Variants in RBFOX1 observed in about 807,000 individuals in gnomAD.
RBFOX1 encodes RNA binding fox-1 homolog 1, also known as RNA binding protein fox-1 homolog 1.
RBFOX1 carries 8 observed loss-of-function variants against 57.7 expected under a neutral mutation model. The ratio of observed to expected loss-of-function variants is 0.14; its 90% CI spans 0.08 to 0.25. The LOEUF (loss-of-function observed/expected upper bound fraction) is 0.25, where lower values mean the gene tolerates loss of function less well. Ranked by LOEUF, RBFOX1 falls within the 10% of genes least tolerant of loss-of-function variation. RBFOX1 has a pLI of 1.00. For synonymous variants in RBFOX1, 326 were observed against 222.4 expected (o/e 1.47, Z -4.15); for missense variants, 611 against 548.5 (o/e 1.11, Z -1.14).
intron 2 of RBFOX1, among the ~76,000 whole-genome samples, chr16:6,459,117 C>T (rs189133238): frequency 8.5e-5 from 13 of 152,228 alleles, no homozygotes; most frequent in Admixed American, 3.9e-4. Context: ...GGGTGGATCC[C>T]GAGGTCAGCA....
intron 1 of RBFOX1, among the ~76,000 whole-genome samples, chr16:5,455,007 C>T (rs894485344): frequency 9.1e-6 from 1 of 109,328 alleles, no homozygotes; most frequent in African/African-American, 3.2e-5. Flanking sequence ...TTCTTTCTTT[C>T]TTTCTTTCTT....
intron 4 of RBFOX1, among the ~76,000 whole-genome samples, chr16:7,328,305 C>A (rs574349239): frequency 2.1e-4 from 32 of 151,922 alleles, no homozygotes; most frequent in African/African-American, 7.5e-4. Flanking sequence ...CGTGGTGAAA[C>A]CCTGTCTCTA....
At chr16:7,422,538 C>T (rs921235972) in intron 4 of RBFOX1, among the ~76,000 whole-genome samples, 1 of 152,090 alleles carries the variant, frequency 6.6e-6, no homozygotes, top group African/African-American at 2.4e-5. Flanking sequence ...ACTGGGGGAT[C>T]AAATGAGAAG....
At chr16:7,261,818 C>G (rs933634919) in intron 4 of RBFOX1, among the ~76,000 whole-genome samples, 4 of 152,178 alleles carry the variant, frequency 2.6e-5, no homozygotes, top group Non-Finnish European at 5.9e-5. Context: ...GAAAGCATTA[C>G]TGATATCCAG....
chr16:6,418,912 A>G (rs2093699729), intron 2 of RBFOX1, among the ~76,000 whole-genome samples: 1 of 152,148 alleles, frequency 6.6e-6, no homozygotes, highest in Non-Finnish European at 1.5e-5. Flanking sequence ...CCTATGTGGA[A>G]GAACCGTTGT....
chr16:6,882,247 G>C (rs545778605), intron 3 of RBFOX1, among the ~76,000 whole-genome samples: 2 of 152,282 alleles, frequency 1.3e-5, no homozygotes, highest in East Asian at 1.9e-4. Context: ...GAGAGATGGA[G>C]AGGGAGAAGG....
At chr16:7,589,021 C>T (rs1182857284) in intron 7 of RBFOX1, among the ~76,000 whole-genome samples, 1 of 152,182 alleles carries the variant, frequency 6.6e-6, no homozygotes, top group African/African-American at 2.4e-5. Context: ...CAATCGTTCT[C>T]GAACTTAAGT....
chr16:5,574,451 TG>T (rs1209385282), intron 2 of RBFOX1, among the ~76,000 whole-genome samples: 1 of 151,322 alleles, frequency 6.6e-6, no homozygotes, highest in African/African-American at 2.4e-5. Context: ...ACGGTGTCTC[TG>T]TCGCCGAGGC....
intron 1 of RBFOX1, among the ~76,000 whole-genome samples, chr16:6,049,507 A>G (rs1005571340): frequency 6.6e-6 from 1 of 152,142 alleles, no homozygotes; most frequent in African/African-American, 2.4e-5. Flanking sequence ...TTAAGCAAAT[A>G]CCAGATATCA....
chr16:7,172,162 T>C (rs1018358894), intron 4 of RBFOX1, among the ~76,000 whole-genome samples: 2 of 152,208 alleles, frequency 1.3e-5, no homozygotes, highest in African/African-American at 4.8e-5. Context: ...GAATTCTGCA[T>C]CCTGGAATTA....
intron 3 of RBFOX1, among the ~76,000 whole-genome samples, chr16:5,863,350 G>A (rs1317498405): frequency 6.6e-6 from 1 of 152,192 alleles, no homozygotes; most frequent in Admixed American, 6.5e-5. Context: ...AGAATGGCCC[G>A]CCTCAAACAC....
At chr16:6,145,982 G>A (rs971020281) in intron 1 of RBFOX1, among the ~76,000 whole-genome samples, 3 of 152,138 alleles carry the variant, frequency 2.0e-5, no homozygotes, top group African/African-American at 7.2e-5. Flanking sequence ...TGTGACCAAA[G>A]GCATTTATTT....
At chr16:6,605,737 G>A (rs560502565) in intron 2 of RBFOX1, among the ~76,000 whole-genome samples, 3 of 152,184 alleles carry the variant, frequency 2.0e-5, no homozygotes, top group African/African-American at 7.2e-5. Flanking sequence ...GATTCAGTCC[G>A]TGTGTTCGTG....
At chr16:6,510,982 A>G (rs1382403887) in intron 2 of RBFOX1, among the ~76,000 whole-genome samples, 1 of 152,208 alleles carries the variant, frequency 6.6e-6, no homozygotes, top group Non-Finnish European at 1.5e-5. Flanking sequence ...CTCCCACGGC[A>G]GCATCCAATG....
intron 3 of RBFOX1, among the ~76,000 whole-genome samples, chr16:6,827,396 G>C (rs576048680): frequency 1.3e-5 from 2 of 152,142 alleles, no homozygotes; most frequent in African/African-American, 4.8e-5. Flanking sequence ...ATTATCGCTG[G>C]AGGGGAAGTG....
chr16:6,347,355 G>T (rs62016218), intron 2 of RBFOX1, among the ~76,000 whole-genome samples: 6,160 of 152,228 alleles, frequency 0.04, 174 homozygotes, highest in Non-Finnish European at 0.064. Context: ...ACTATGCTTG[G>T]TTCTAAAGAT....
chr16:7,400,019 G>A (rs941768430), intron 4 of RBFOX1, among the ~76,000 whole-genome samples: 4 of 152,120 alleles, frequency 2.6e-5, no homozygotes, highest in East Asian at 1.9e-4. Context: ...ATTATATGAG[G>A]TAGGGATTAT....
chr16:6,557,514 ATGGAATTACTAAAAGT>A (rs57919097), intron 2 of RBFOX1, among the ~76,000 whole-genome samples: 9,473 of 152,230 alleles, frequency 0.062, 622 homozygotes, highest in African/African-American at 0.17. Context: ...GCAGTAATAT[ATGGAATTACTAAAAGT>A]TGGCGGCTGT....
chr16:7,710,286 A>G, intron 15 of RBFOX1: 1 of 1,129,338 alleles, frequency 8.9e-7, no homozygotes, highest in Non-Finnish European at 1.1e-6. Flanking sequence ...ATTACATTCA[A>G]CAACTGGTCC....
Sources: gnomAD v4.1 joint callset for allele counts (sites outside exome capture counted in the v4.1 genomes callset) on GRCh38, gnomAD v4.1.1 for gene constraint, MANE v1.5 for transcripts, NCBI Gene and HGNC (gene_info 2026-07-23, HGNC 2026-07-21) for gene names.